The following TMTC1 variants were observed in gnomAD, a reference collection of about 807,000 sequenced individuals.
The protein encoded by TMTC1 is transmembrane O-mannosyltransferase targeting cadherins 1.
Under a neutral mutation model 104.8 loss-of-function variants are expected in TMTC1, and 73 were observed. The observed-to-expected ratio is 0.70, with a 90% CI of 0.58 to 0.85. TMTC1 has a LOEUF of 0.85. Ranked by LOEUF, TMTC1 falls within the 40% of genes least tolerant of loss-of-function variation. The probability of loss-of-function intolerance (pLI) is 0.00; values close to 1 mark genes in which losing one functional copy is unlikely to be tolerated. For synonymous variants in TMTC1, 434 were observed against 428.7 expected (o/e 1.01, Z -0.15); for missense variants, 1,035 against 1,096.1 (o/e 0.94, Z 0.79).
At chr12:29,771,327 A>G (rs1027003536) in intron 1 of TMTC1, among the ~76,000 whole-genome samples, 1 of 152,166 alleles carries the variant, frequency 6.6e-6, no homozygotes, top group African/African-American at 2.4e-5. Context: ...AGACAACAAA[A>G]TACTTGCAAT....
At chr12:29,625,014 T>C (rs1348621748) in intron 6 of TMTC1, among the ~76,000 whole-genome samples, 4 of 152,222 alleles carry the variant, frequency 2.6e-5, no homozygotes, top group Admixed American at 2.0e-4. Context: ...CTTGGTAATA[T>C]ATAGCTTCAC....
At chr12:29,575,359 A>G (rs983397570) in intron 8 of TMTC1, among the ~76,000 whole-genome samples, 1 of 152,100 alleles carries the variant, frequency 6.6e-6, no homozygotes, top group African/African-American at 2.4e-5. Flanking sequence ...ACTCTCTCAG[A>G]TTACATATTT....
intron 11 of TMTC1, among the ~76,000 whole-genome samples, chr12:29,522,955 C>A (rs1272170744): frequency 6.6e-6 from 1 of 152,198 alleles, no homozygotes; most frequent in Non-Finnish European, 1.5e-5. Flanking sequence ...TGGTCTTTAT[C>A]CTTACTTATC....
intron 5 of TMTC1, among the ~76,000 whole-genome samples, chr12:29,676,499 G>C (rs1229694932): frequency 6.6e-6 from 1 of 152,194 alleles, no homozygotes; most frequent in Non-Finnish European, 1.5e-5. Flanking sequence ...AATCAGGAGA[G>C]AATCAAACTC....
intron 7 of TMTC1, among the ~76,000 whole-genome samples, chr12:29,597,614 C>G (rs159705): frequency 6.8e-6 from 1 of 147,428 alleles, no homozygotes; most frequent in African/African-American, 2.6e-5. Flanking sequence ...CAGGCAGACA[C>G]GCCATAAAAT....
In TMTC1 at chr12:29,722,794, G is replaced by A. The variant is rs113895200; in HGVS notation, c.938+28872C>T. On this transcript the variant is annotated intron_variant, in intron 5 of 17. Coordinates refer to ENST00000539277, the MANE Select transcript of TMTC1 (RefSeq NM_001193451.2). ...AAAACAGCAGGGTGTGGTGGCACGCGCCTATAGTCCCAGCTATTTGGGAGG... is the reference window on the plus strand; with the variant it reads ...AAAACAGCAGGGTGTGGTGGCACGCACCTATAGTCCCAGCTATTTGGGAGG... 2.8e-4 allele frequency among the ~76,000 whole-genome samples: 43 copies of A among 151,806 alleles called. 2 individuals are homozygous for A. Among genetic ancestry groups the A allele is most frequent in the African/African-American group, 8.0e-4 (33 of 41,426 alleles).
chr12:29,693,631 T>C (rs927493012), intron 5 of TMTC1, among the ~76,000 whole-genome samples: 2 of 151,832 alleles, frequency 1.3e-5, no homozygotes, highest in African/African-American at 4.9e-5. Context: ...TAAAATGCTG[T>C]GCACTAAAAA....
chr12:29,722,025 A>C (rs1171268403), intron 5 of TMTC1, among the ~76,000 whole-genome samples: 5 of 152,180 alleles, frequency 3.3e-5, no homozygotes, highest in Admixed American at 2.6e-4. Flanking sequence ...CTGCTTCTAT[A>C]TTCATTTTGT....
intron 17 of TMTC1, among the ~76,000 whole-genome samples, chr12:29,509,116 C>T (rs945776158): frequency 3.9e-5 from 6 of 152,156 alleles, no homozygotes; most frequent in Admixed American, 1.3e-4. Flanking sequence ...GCTACTGCCT[C>T]GGACAGGGCA....
intron 5 of TMTC1, among the ~76,000 whole-genome samples, chr12:29,654,724 A>G (rs958778562): frequency 6.6e-6 from 1 of 152,054 alleles, no homozygotes; most frequent in Non-Finnish European, 1.5e-5. Flanking sequence ...TTTTATCAAA[A>G]AAAAAAAAAT....
chr12:29,568,376 G>C (rs964871333), intron 9 of TMTC1, among the ~76,000 whole-genome samples: 12 of 152,148 alleles, frequency 7.9e-5, no homozygotes, highest in African/African-American at 2.9e-4. Context: ...AATCACTGTT[G>C]AATTAGATGT....
intron 6 of TMTC1, among the ~76,000 whole-genome samples, chr12:29,607,816 T>C (rs1946742648): frequency 6.6e-6 from 1 of 152,178 alleles, no homozygotes; most frequent in African/African-American, 2.4e-5. Context: ...GCGTTGAATG[T>C]AGTTGGGTCA....
intron 16 of TMTC1, among the ~76,000 whole-genome samples, chr12:29,513,608 A>G (rs1313513634): frequency 6.6e-6 from 1 of 152,222 alleles, no homozygotes. Context: ...TACTTTTCCT[A>G]TAATATATTT....
intron 5 of TMTC1, among the ~76,000 whole-genome samples, chr12:29,653,787 A>C (rs1368422522): frequency 2.0e-5 from 3 of 152,206 alleles, no homozygotes; most frequent in African/African-American, 7.2e-5. Context: ...CCATCATTGG[A>C]ATAATGATGA....
chr12:29,580,009 G>C (rs1424616592), intron 8 of TMTC1, among the ~76,000 whole-genome samples: 1 of 152,128 alleles, frequency 6.6e-6, no homozygotes, highest in African/African-American at 2.4e-5. Flanking sequence ...CACAAGTGCT[G>C]GGTTCTTGTG....
chr12:29,702,519 A>G (rs571406931), intron 5 of TMTC1, among the ~76,000 whole-genome samples: 2 of 152,294 alleles, frequency 1.3e-5, no homozygotes, highest in African/African-American at 4.8e-5. Context: ...ATCCTCAGAG[A>G]AAGTGAGCGA....
chr12:29,714,515 T>C (rs78014903), intron 5 of TMTC1, among the ~76,000 whole-genome samples: 1 of 152,368 alleles, frequency 6.6e-6, no homozygotes, highest in Non-Finnish European at 1.5e-5. Context: ...CTTTAATTCA[T>C]GATAAAGGGC....
At chr12:29,535,932 A>G in intron 11 of TMTC1, 1 of 351,332 alleles carries the variant, frequency 2.8e-6, no homozygotes, top group Non-Finnish European at 5.1e-6. Flanking sequence ...AAAAACATCA[A>G]ATATCATGTA....
At chr12:29,716,528 A>G (rs956929432) in intron 5 of TMTC1, among the ~76,000 whole-genome samples, 1 of 152,162 alleles carries the variant, frequency 6.6e-6, no homozygotes, top group African/African-American at 2.4e-5. Flanking sequence ...TTAATACAGA[A>G]GAAATTTTAA....
Sources: allele counts gnomAD v4.1 joint callset (sites outside exome capture counted in the v4.1 genomes callset), GRCh38; gene constraint gnomAD v4.1.1; transcripts MANE v1.5; gene names NCBI Gene and HGNC (gene_info 2026-07-23, HGNC 2026-07-21).